The following SHC4 variants were observed in gnomAD, a reference collection of about 807,000 sequenced individuals.
SHC4 encodes the protein SHC-transforming protein 4.
In SHC4, 41 loss-of-function variants were observed where a neutral mutation model predicts 69.4. That is an observed-to-expected ratio of 0.59 (90% CI 0.46 to 0.77). SHC4 has a LOEUF of 0.77. Ranked by LOEUF, SHC4 falls within the 30% of genes least tolerant of loss-of-function variation. SHC4 has a pLI of 0.00. For synonymous variants in SHC4, 318 were observed against 299.3 expected, an observed-to-expected ratio of 1.06 and a Z score of -0.64; for missense variants, 777 against 783.8, an observed-to-expected ratio of 0.99 and a Z score of 0.10.
chr15:48,909,289 A>ATT (rs35371445), intron 2 of SHC4, among the ~76,000 whole-genome samples: 6,069 of 146,498 alleles, frequency 0.041, 259 homozygotes, highest in East Asian at 0.22. Flanking sequence ...TATTCCTAGG[A>ATT]TTTTTTTTTT....
At chr15:48,859,536 A>C in intron 6 of SHC4, among the ~76,000 whole-genome samples, 1 of 152,206 alleles carries the variant, frequency 6.6e-6, no homozygotes, top group East Asian at 1.9e-4. Context: ...GTCTATCTTT[A>C]CACTGCCATT....
intron 2 of SHC4, among the ~76,000 whole-genome samples, chr15:48,903,508 A>C (rs1480865347): frequency 3.7e-4 from 57 of 152,138 alleles, no homozygotes; most frequent in Admixed American, 3.7e-3. Flanking sequence ...AAACAATTAA[A>C]ACTTGCAGAT....
At chr15:48,846,960 G>T (rs755608042) in intron 9 of SHC4, among the ~76,000 whole-genome samples, 32 of 149,982 alleles carry the variant, frequency 2.1e-4, no homozygotes, top group Non-Finnish European at 3.2e-4. Flanking sequence ...CTTGAAAACT[G>T]CCACCTTTAA....
At chr15:48,833,193 C>T (rs142014378) in intron 11 of SHC4, among the ~76,000 whole-genome samples, 11 of 152,264 alleles carry the variant, frequency 7.2e-5, no homozygotes, top group Non-Finnish European at 1.3e-4. Flanking sequence ...TCACACCAAC[C>T]AGCCCAAATA....
At chr15:48,851,468 G>C (rs368457205) in intron 8 of SHC4, among the ~76,000 whole-genome samples, 1 of 152,084 alleles carries the variant, frequency 6.6e-6, no homozygotes, top group Non-Finnish European at 1.5e-5. Context: ...TGATTCGGCT[G>C]GGGGGTTCTA....
rs557876138 is a variant in SHC4, at chr15:48,884,477, C to G, written c.721-110G>C. 5 of 928,140 alleles carry G rather than the reference C, an allele frequency of 5.4e-6. No homozygotes were observed. The African/African-American group carries it at 6.9e-5, about 13-fold the overall frequency. The allele number at this position is 928,140 out of a possible 1,614,324, so 57.5% of individuals were successfully genotyped here. A position where few individuals can be genotyped will look rare whatever the true frequency, so the allele number is the denominator to read the frequency against. ...GAGTCAAAGTCCAAACTCTTCCTCT[C>G]TATTTTACTTTATGTAAATCAAATG... On this transcript the variant is annotated intron_variant, in intron 3 of 11. Coordinates refer to ENST00000332408, the MANE Select transcript of SHC4 (RefSeq NM_203349.4).
intron 6 of SHC4, among the ~76,000 whole-genome samples, chr15:48,863,002 A>T (rs1453188760): frequency 8.6e-6 from 1 of 116,360 alleles, no homozygotes; most frequent in Non-Finnish European, 1.8e-5. Context: ...TGCCAGCCCC[A>T]CCCCCAGCCC....
intron 1 of SHC4, among the ~76,000 whole-genome samples, chr15:48,951,314 C>G (rs2141039583): frequency 6.6e-6 from 1 of 152,092 alleles, no homozygotes; most frequent in East Asian, 1.9e-4. Flanking sequence ...GCTTCTTCCT[C>G]CCTTAGGTGT....
chr15:48,832,582 G>T (rs977946976), intron 11 of SHC4, among the ~76,000 whole-genome samples: 2 of 152,060 alleles, frequency 1.3e-5, no homozygotes, highest in African/African-American at 4.8e-5. Context: ...ACTTACTTGG[G>T]AAGATTCAGA....
intron 9 of SHC4, among the ~76,000 whole-genome samples, chr15:48,845,426 A>G (rs1567050959): frequency 6.6e-6 from 1 of 152,208 alleles, no homozygotes; most frequent in South Asian, 2.1e-4. Context: ...AGGAGTTGAC[A>G]GGGTGCCTCA....
At chr15:48,871,425 C>T (rs984941005) in intron 5 of SHC4, among the ~76,000 whole-genome samples, 1 of 152,236 alleles carries the variant, frequency 6.6e-6, no homozygotes, top group African/African-American at 2.4e-5. Context: ...TGCTCAGTTG[C>T]AGGCTCCCTA....
At chr15:48,917,500 T>C (rs1030595939) in intron 2 of SHC4, among the ~76,000 whole-genome samples, 2 of 152,146 alleles carry the variant, frequency 1.3e-5, no homozygotes, top group Non-Finnish European at 2.9e-5. Flanking sequence ...GGAAACTTTG[T>C]TTTCCTAATG....
intron 6 of SHC4, among the ~76,000 whole-genome samples, chr15:48,864,567 C>T (rs1343874166): frequency 6.6e-6 from 1 of 150,754 alleles, no homozygotes. Context: ...CCTGCCTCAG[C>T]CTCCCGAGTA....
intron 1 of SHC4, among the ~76,000 whole-genome samples, chr15:48,934,370 C>G (rs147723999): frequency 1.3e-5 from 2 of 152,110 alleles, no homozygotes; most frequent in African/African-American, 4.8e-5. Context: ...AAATGCAAAT[C>G]AAAGCCACAG....
intron 1 of SHC4, among the ~76,000 whole-genome samples, chr15:48,957,676 G>T (rs1271807824): frequency 1.3e-5 from 2 of 152,228 alleles, no homozygotes; most frequent in African/African-American, 4.8e-5. Flanking sequence ...CTTGGGGACT[G>T]TTTTGGGTTG....
intron 2 of SHC4, among the ~76,000 whole-genome samples, chr15:48,907,327 C>A (rs1343782681): frequency 2.0e-5 from 3 of 151,252 alleles, no homozygotes; most frequent in Non-Finnish European, 4.4e-5. Flanking sequence ...TGGGTTCAAG[C>A]GATTCTCCCC....
chr15:48,937,698 C>A (rs1181660463), intron 1 of SHC4, among the ~76,000 whole-genome samples: 3 of 152,134 alleles, frequency 2.0e-5, no homozygotes, highest in African/African-American at 7.2e-5. Context: ...TAAGGCCAGA[C>A]AACCCCTGTA....
Position 48,824,788 on chromosome 15 carries a change from CCAAA to C in SHC4, c.*1179_*1182del, listed in dbSNP as rs1465274560. The stretch of plus-strand genomic sequence containing the variant: ...ATTTTATTGCCAAGGAAACTGGAAC[CCAAA>C]CAGATTCAGCAACTTGCTGAAGGTC... On this transcript the variant is annotated 3_prime_UTR_variant, in exon 12 of 12. Transcript: ENST00000332408. 1 of 152,600 alleles carries C rather than the reference CCAAA, an allele frequency of 6.6e-6. No individual in the cohort carries two copies. The highest frequency in any genetic ancestry group is 2.4e-5 in the African/African-American group (1 of 41,450). 9.5% of individuals were successfully genotyped at this position (152,600 alleles called of 1,614,324 possible).
chr15:48,828,604 T>G (rs1898736670), intron 11 of SHC4, among the ~76,000 whole-genome samples: 1 of 152,302 alleles, frequency 6.6e-6, no homozygotes. Flanking sequence ...CTGTACAATT[T>G]TACACACCCA....
Sources: allele counts gnomAD v4.1 joint callset (sites outside exome capture counted in the v4.1 genomes callset), GRCh38; gene constraint gnomAD v4.1.1; transcripts MANE v1.5; gene names NCBI Gene and HGNC (gene_info 2026-07-23, HGNC 2026-07-21).